COL5A3: variants seen among roughly 807,000 people sequenced by gnomAD.
COL5A3 encodes collagen type V alpha 3 chain.
A neutral mutation model predicts 250.0 loss-of-function variants in COL5A3; 172 were observed. The observed-to-expected ratio is 0.69, with a 90% CI of 0.61 to 0.78. COL5A3 has a LOEUF of 0.78. Ranked by LOEUF, COL5A3 falls within the 30% of genes least tolerant of loss-of-function variation. The pLI is 0.00. For synonymous variants in COL5A3, 937 were observed against 900.4 expected, an observed-to-expected ratio of 1.04 and a Z score of -0.73; for missense variants, 2,340 against 2,334.4, an observed-to-expected ratio of 1.00 and a Z score of -0.05.
At position 9,974,182 on chromosome 19, in the gene COL5A3, C is replaced by T. The variant is rs573832773; in HGVS notation, c.3493G>A (p.Val1165Ile). The change falls in exon 47 of 67, where the codon GTC (valine) becomes ATC (isoleucine). Residue 1165 changes from valine (V) to isoleucine (I), a missense_variant. Physicochemically the swap from Val to Ile is conservative, Grantham distance 29. Around this residue, in one of 3 missense-constraint regions of COL5A3, gnomAD observed 1,179 missense variants for 1,162.6 expected, o/e 1.01. Transcript: ENST00000264828. ...CTGGGAGTGCATACCATGGACCCGA[C>T]GTCTCCGACCTCCCCTTTCTCTCCC... ...PPGEKGEVGD[V>I]GSMGPHGAPG... 8.7e-5 allele frequency: 140 copies of T among 1,613,874 alleles called. No homozygotes were observed. Among genetic ancestry groups the T allele is most frequent in the Middle Eastern group, 1.6e-4 (1 of 6,084 alleles).
intron 32 of COL5A3, among the ~76,000 whole-genome samples, chr19:9,981,824 C>T (rs2087014926): frequency 6.6e-6 from 1 of 152,244 alleles, no homozygotes; most frequent in Non-Finnish European, 1.5e-5. Context: ...CATTCAAACC[C>T]TGTCTCATCG....
Position 9,973,929 on chromosome 19 carries a change from G to GT in COL5A3, c.3547dup (p.Thr1183AsnfsTer21). ...CCCAAGAGTTCTCACCTCTGATCCA[G>GT]TGGGGCCTTGGGGACCCCGAGGACC... On this transcript the variant is annotated frameshift_variant, in exon 48 of 67. Coordinates refer to ENST00000264828, the MANE Select transcript of COL5A3 (RefSeq NM_015719.4). LOFTEE classifies it high-confidence loss of function. 1.3e-6 allele frequency: 2 copies of GT among 1,564,552 alleles called. No homozygotes were observed. Among genetic ancestry groups the GT allele is most frequent in the Admixed American group, 3.7e-5 (2 of 53,434 alleles).
intron 11 of COL5A3, chr19:9,997,158 G>T: frequency 1.7e-6 from 1 of 602,224 alleles, no homozygotes; most frequent in Non-Finnish European, 3.0e-6. Flanking sequence ...ACAGAGACAG[G>T]CAAAAGAAGA....
chr19:9,998,243 C>T, intron 8 of COL5A3, 94 bp from the exon 9 acceptor site: 1 of 1,180,492 alleles, frequency 8.5e-7, no homozygotes, highest in Non-Finnish European at 1.2e-6. Context: ...CACACACACA[C>T]ACACACACAC....
At position 9,995,711 on chromosome 19, in the gene COL5A3, T is replaced by C. The variant is rs2087259308; in HGVS notation, c.1534-94A>G. 6 of 970,812 alleles carry C rather than the reference T, an allele frequency of 6.2e-6. No homozygotes were observed. In the South Asian group the frequency reaches 8.9e-5, roughly 14 times the overall value. The allele number at this position is 970,812 out of a possible 1,614,324, so 60.1% of individuals were successfully genotyped here. ...AAAAAAATTAGAGATGGGGTCTTGC[T>C]GTATTGCCCAGGCCAGACACCTGGG... is the stretch of plus-strand genomic sequence containing the variant. On this transcript the variant is annotated intron_variant, in intron 15 of 66. Coordinates refer to ENST00000264828, the MANE Select transcript of COL5A3 (RefSeq NM_015719.4).
intron 53 of COL5A3, 52 bp downstream of exon 53, chr19:9,970,923 A>C: frequency 7.7e-7 from 1 of 1,293,106 alleles, no homozygotes; most frequent in Non-Finnish European, 1.1e-6. Flanking sequence ...TCACTCACTC[A>C]TTAGCTCCCC....
intron 21 of COL5A3, 75 bp from the exon 22 acceptor site, chr19:9,992,123 A>T (rs904837158): frequency 7.6e-7 from 1 of 1,309,004 alleles, no homozygotes; most frequent in African/African-American, 1.4e-5. Context: ...CGAGAGATGC[A>T]GGTGGAAAGG....
chr19:10,000,719 A>G (rs1266829374), intron 8 of COL5A3, among the ~76,000 whole-genome samples: 1 of 151,990 alleles, frequency 6.6e-6, no homozygotes, highest in Non-Finnish European at 1.5e-5. Context: ...AACTATTAGC[A>G]CAGTGCCTGA....
At chr19:9,992,789 A>G in intron 21 of COL5A3, 38 bp downstream of exon 21, 1 of 1,607,544 alleles carries the variant, frequency 6.2e-7, no homozygotes, top group Non-Finnish European at 8.5e-7. Context: ...AAACAAACAA[A>G]AAGACAGACA....
Position 9,996,654 on chromosome 19 carries a change from A to G in COL5A3, c.1299T>C (p.Asp433=). ...CAGTGCCCGGTGGGCCTCGGATCCC[A>G]TCAATGCCGGGGATTCCTGGGAGGC... The part of the protein sequence containing the change: ...PAGLPGIPGI[D]GIRGPPGTVI... The change falls in exon 12 of 67, where the codon GAT becomes GAC. Residue 433 remains aspartate (D), a synonymous_variant. Coordinates refer to ENST00000264828, the MANE Select transcript of COL5A3 (RefSeq NM_015719.4). 1.2e-6 allele frequency: 2 copies of G among 1,609,854 alleles called. No homozygotes were observed. Among genetic ancestry groups the G allele is most frequent in the South Asian group, 2.2e-5 (2 of 90,426 alleles).
chr19:9,998,184 G>A (rs770527439), intron 8 of COL5A3, 35 bp from the exon 9 acceptor site: 1 of 1,590,780 alleles, frequency 6.3e-7, no homozygotes, highest in Non-Finnish European at 8.6e-7. Context: ...AGAGAAAAGA[G>A]ATGTGAACTT....
intron 57 of COL5A3, chr19:9,969,005 T>A (rs2086792570): frequency 6.8e-6 from 4 of 584,916 alleles, no homozygotes; most frequent in Non-Finnish European, 1.2e-5. Context: ...GGCATCAAGA[T>A]GAAGGGTCAG....
intron 31 of COL5A3, among the ~76,000 whole-genome samples, chr19:9,984,163 C>A (rs1429346949): frequency 6.6e-6 from 1 of 152,006 alleles, no homozygotes; most frequent in Non-Finnish European, 1.5e-5. Context: ...CCTGGGATTA[C>A]AGGCACCCGC....
Position 9,993,430 on chromosome 19 carries a change from C to T in COL5A3, c.1699G>A (p.Asp567Asn). The change falls in exon 19 of 67, where the codon GAC becomes AAC. Residue 567 changes from aspartate (D) to asparagine (N), a missense_variant. Transcript: ENST00000264828. ...GLPGEKGQRG[D>N]FGHVGQPGPP... Reference sequence around the variant, plus strand: ...CCGGGTTGCCCCACATGGCCAAAGTCACCCTGGAGAGGGAACAGAGGGGAG... The same window carrying T: ...CCGGGTTGCCCCACATGGCCAAAGTTACCCTGGAGAGGGAACAGAGGGGAG... 2 of 1,614,152 alleles carry T rather than the reference C, an allele frequency of 1.2e-6. No individual in the cohort carries two copies. The highest frequency in any genetic ancestry group is 1.1e-5 in the South Asian group (1 of 91,066).
chr19:9,963,997 C>T (rs78870141), intron 64 of COL5A3, among the ~76,000 whole-genome samples: 24,240 of 151,572 alleles, frequency 0.16, 2,291 homozygotes, highest in East Asian at 0.24. Flanking sequence ...GGTGAAACCC[C>T]GTCTCTGCTA....
intron 17 of COL5A3, 38 bp from the exon 18 acceptor site, chr19:9,993,710 C>G (rs1372712324): frequency 6.2e-7 from 1 of 1,614,096 alleles, no homozygotes; most frequent in Admixed American, 1.7e-5. Context: ...CCCCATAAGC[C>G]TGACAGCTCC....
chr19:9,976,119 C>T (rs1301849113), intron 45 of COL5A3, among the ~76,000 whole-genome samples: 1 of 150,400 alleles, frequency 6.6e-6, no homozygotes, highest in Non-Finnish European at 1.5e-5. Flanking sequence ...GGGATTGAGC[C>T]AAATTCTGGG....
chr19:10,004,579 C>T (rs1568432983), intron 4 of COL5A3, among the ~76,000 whole-genome samples: 1 of 152,182 alleles, frequency 6.6e-6, no homozygotes, highest in Non-Finnish European at 1.5e-5. Context: ...GATCCACCCG[C>T]CTTGGCCTCC....
In COL5A3 at chr19:9,989,354, G is replaced by A; in HGVS notation, c.2059C>T (p.His687Tyr). ...GSDGPLGHPG[H>Y]EGPTGEKGAQ... ...CCTTTCTCTCCCGTGGGGCCCTCAT[G>A]TCCTGGGTGACCCTGGGGAAGAAAC... Residue 687 changes from histidine (H) to tyrosine (Y), a missense_variant, in exon 26 of 67, where the codon CAT becomes TAT. His to Tyr is a moderately conservative substitution (Grantham distance 83). Around this residue, in one of 3 missense-constraint regions of COL5A3, gnomAD observed 1,152 missense variants for 1,146.3 expected, o/e 1.00. Coordinates refer to ENST00000264828, the MANE Select transcript of COL5A3 (RefSeq NM_015719.4). 6.2e-7 allele frequency: 1 copy of A among 1,614,180 alleles called. No individual in the cohort carries two copies. The highest frequency in any genetic ancestry group is 8.5e-7 in the Non-Finnish European group (1 of 1,180,026).
Sources: gnomAD v4.1 joint callset for allele counts (sites outside exome capture counted in the v4.1 genomes callset) on GRCh38, gnomAD v4.1.1 for gene constraint, gnomAD v4.1.1 regional missense constraint, MANE v1.5 for transcripts, NCBI Gene and HGNC (gene_info 2026-07-23, HGNC 2026-07-21) for gene names.